Variants in MLLT3 observed in about 807,000 individuals in gnomAD.
MLLT3 encodes the protein protein AF-9.
Under a neutral mutation model 53.2 loss-of-function variants are expected in MLLT3, and 4 were observed. The observed-to-expected ratio is 0.08, with a 90% CI of 0.04 to 0.17. MLLT3 has a LOEUF of 0.17. MLLT3 is among the 10% of genes least tolerant of loss of function. The pLI is 1.00. For synonymous variants in MLLT3, 283 were observed against 230.6 expected (o/e 1.23, Z -2.06); for missense variants, 569 against 684.0 (o/e 0.83, Z 1.87).
chr9:20,394,282 G>A (rs538285748), intron 5 of MLLT3, among the ~76,000 whole-genome samples: 10 of 152,146 alleles, frequency 6.6e-5, no homozygotes, highest in East Asian at 3.9e-4. Context: ...TGCCACTTAC[G>A]GAGGCAGGGA....
At chr9:20,446,878 T>C (rs540879586) in intron 4 of MLLT3, among the ~76,000 whole-genome samples, 6 of 152,334 alleles carry the variant, frequency 3.9e-5, no homozygotes, top group South Asian at 2.1e-4. Context: ...ATTTCTCCCA[T>C]AGAATACTCT....
At chr9:20,452,331 G>A (rs567870016) in intron 3 of MLLT3, among the ~76,000 whole-genome samples, 2 of 152,258 alleles carry the variant, frequency 1.3e-5, no homozygotes, top group East Asian at 3.9e-4. Context: ...GTTCTCACAA[G>A]ATCTGATGGT....
At position 20,599,163 on chromosome 9, in the gene MLLT3, G is replaced by A. The variant is rs1339270629; in HGVS notation, c.193+21491C>T. The stretch of plus-strand genomic sequence containing the variant: ...TACTAAAAATACAAAAATTAGCTGG[G>A]CATGGTGGCACGCGCCTGCAGTCCC... On this transcript the variant is annotated intron_variant, in intron 2 of 10. Coordinates refer to ENST00000380338, the MANE Select transcript of MLLT3 (RefSeq NM_004529.4). 2.6e-5 allele frequency among the ~76,000 whole-genome samples: 4 copies of A among 152,052 alleles called. No homozygotes were observed. The East Asian group carries it at 5.8e-4, about 22-fold the overall frequency.
At chr9:20,607,425 T>C (rs1053870958) in intron 2 of MLLT3, among the ~76,000 whole-genome samples, 1 of 152,112 alleles carries the variant, frequency 6.6e-6, no homozygotes, top group Non-Finnish European at 1.5e-5. Context: ...CAATCACATT[T>C]AGAATTCTCT....
At chr9:20,517,275 A>G (rs1817938828) in intron 2 of MLLT3, among the ~76,000 whole-genome samples, 2 of 152,220 alleles carry the variant, frequency 1.3e-5, no homozygotes, top group African/African-American at 2.4e-5. Context: ...TACAAAACCA[A>G]CATCAAAAAA....
intron 4 of MLLT3, among the ~76,000 whole-genome samples, chr9:20,421,462 T>C (rs755013875): frequency 1.7e-4 from 26 of 152,100 alleles, no homozygotes; most frequent in Non-Finnish European, 3.2e-4. Flanking sequence ...AAGCTAAACT[T>C]AGTATTCACT....
chr9:20,610,283 G>T (rs375510939), intron 2 of MLLT3, among the ~76,000 whole-genome samples: 1 of 152,112 alleles, frequency 6.6e-6, no homozygotes, highest in Non-Finnish European at 1.5e-5. Flanking sequence ...CTTCAAGTTT[G>T]TGTCTAGCTT....
intron 2 of MLLT3, among the ~76,000 whole-genome samples, chr9:20,545,761 G>A (rs946787737): frequency 6.7e-6 from 1 of 148,736 alleles, no homozygotes; most frequent in African/African-American, 2.5e-5. Context: ...GCTCACATGT[G>A]TAATCCCAAC....
chr9:20,388,883 A>G (rs752514700), intron 5 of MLLT3, among the ~76,000 whole-genome samples: 1 of 152,204 alleles, frequency 6.6e-6, no homozygotes, highest in Non-Finnish European at 1.5e-5. Flanking sequence ...GAGAAAAACA[A>G]CCATCTCCCT....
chr9:20,375,198 A>G (rs1476583217), intron 5 of MLLT3, among the ~76,000 whole-genome samples: 3 of 152,178 alleles, frequency 2.0e-5, no homozygotes, highest in Non-Finnish European at 4.4e-5. Flanking sequence ...TTAGATCAAT[A>G]TTTTTCAGAT....
At chr9:20,423,226 T>A (rs950708011) in intron 4 of MLLT3, among the ~76,000 whole-genome samples, 1 of 152,166 alleles carries the variant, frequency 6.6e-6, no homozygotes, top group African/African-American at 2.4e-5. Context: ...CATTTTTATT[T>A]ACACTTGTAA....
At chr9:20,423,333 A>G (rs1823062343) in intron 4 of MLLT3, among the ~76,000 whole-genome samples, 2 of 152,236 alleles carry the variant, frequency 1.3e-5, no homozygotes, top group Admixed American at 1.3e-4. Flanking sequence ...CAATGACTGT[A>G]AAAGAACATC....
At chr9:20,358,251 C>T (rs933546380) in intron 8 of MLLT3, among the ~76,000 whole-genome samples, 7 of 152,104 alleles carry the variant, frequency 4.6e-5, no homozygotes, top group South Asian at 4.1e-4. Context: ...CTTGTCCTCT[C>T]GGCTCCAAGA....
chr9:20,414,749 ACC>A (rs1822830164), intron 4 of MLLT3, among the ~76,000 whole-genome samples: 1 of 152,136 alleles, frequency 6.6e-6, no homozygotes. Context: ...TAACACATGG[ACC>A]CCACCCTTAA....
At position 20,620,299 on chromosome 9, in the gene MLLT3, A is replaced by G. The variant is rs1186061041; in HGVS notation, c.193+355T>C. ...CACACACACACACACACACACGCGCAAAGTGTTTATTCCCTCCAGCCCGAT... is the reference window on the plus strand; with the variant it reads ...CACACACACACACACACACACGCGCGAAGTGTTTATTCCCTCCAGCCCGAT... On this transcript the variant is annotated intron_variant, in intron 2 of 10. Transcript: ENST00000380338. The surrounding 1 kb of genome is among the most constrained non-coding windows in gnomAD (Gnocchi z 6.1). 4.1e-5 allele frequency among the ~76,000 whole-genome samples: 6 copies of G among 146,878 alleles called. No individual in the cohort carries two copies. The highest frequency in any genetic ancestry group is 2.7e-4 in the Admixed American group (4 of 14,936).
At position 20,420,766 on chromosome 9, in the gene MLLT3, TACATGCGCCATGTTGGTGTGCTGC is replaced by T. The variant is rs1255033519; in HGVS notation, c.421-6365_421-6342del. Among the ~76,000 whole-genome samples the T allele has an allele frequency of 1.4e-4, 22 of 152,316 alleles. No individual in the cohort carries two copies. In the East Asian group the frequency reaches 4.2e-3, roughly 29 times the overall value. ...AACGCGCAGGTTTGTTACATATGTA[TACATGCGCCATGTTGGTGTGCTGC>T]ACCCATTAACTTGTCATTTACATTA... is the stretch of plus-strand genomic sequence containing the variant. On this transcript the variant is annotated intron_variant, in intron 4 of 10. Coordinates refer to ENST00000380338, the MANE Select transcript of MLLT3 (RefSeq NM_004529.4).
chr9:20,596,203 T>C (rs1820257786), intron 2 of MLLT3, among the ~76,000 whole-genome samples: 1 of 152,230 alleles, frequency 6.6e-6, no homozygotes, highest in South Asian at 2.1e-4. Context: ...TATAGCATGT[T>C]TTCTTGACTA....
intron 5 of MLLT3, among the ~76,000 whole-genome samples, chr9:20,377,220 G>A (rs1250740355): frequency 6.6e-6 from 1 of 152,154 alleles, no homozygotes; most frequent in East Asian, 1.9e-4. Context: ...CTACTTGTCA[G>A]TTTACAATGA....
intron 2 of MLLT3, among the ~76,000 whole-genome samples, chr9:20,565,934 ATATTTATATATATATATATT>A (rs1819347762): frequency 6.8e-5 from 1 of 14,654 alleles, no homozygotes; most frequent in African/African-American, 3.0e-4. Context: ...ATATATATAT[ATATTTATATATATATATATT>A]TATATATATA....
Sources: allele counts gnomAD v4.1 joint callset (sites outside exome capture counted in the v4.1 genomes callset), GRCh38; gene constraint gnomAD v4.1.1; non-coding constraint Gnocchi (gnomAD v3.1); transcripts MANE v1.5; gene names NCBI Gene and HGNC (gene_info 2026-07-23, HGNC 2026-07-21).